Variants in RNF185 observed in about 807,000 individuals in gnomAD.
RNF185 encodes the protein ring finger protein 185.
In RNF185, 13 loss-of-function variants were observed where a neutral mutation model predicts 24.9. That is an observed-to-expected ratio of 0.52 (90% CI 0.34 to 0.83). The LOEUF is 0.83. Among genes scored for constraint, RNF185 ranks in the 40% least tolerant of loss-of-function variants. RNF185 has a pLI of 0.01. For missense variants in RNF185, 184 were observed against 244.7 expected (o/e 0.75, Z 1.65); for synonymous variants, 79 against 90.3 (o/e 0.88, Z 0.71).
At chr22:31,163,476 C>T (rs527418811) in intron 1 of RNF185, among the ~76,000 whole-genome samples, 121 of 151,870 alleles carry the variant, frequency 8.0e-4, no homozygotes, top group African/African-American at 1.8e-3. Context: ...TACGGGCACA[C>T]ACCACCACAC....
At chr22:31,183,924 G>A (rs112629326) in intron 1 of RNF185, among the ~76,000 whole-genome samples, 8 of 40,604 alleles carry the variant, frequency 2.0e-4, no homozygotes, top group African/African-American at 4.4e-4. Context: ...GGTGGCGGCC[G>A]GGCAGAGGGG....
chr22:31,166,706 A>G (rs897425408), intron 1 of RNF185, among the ~76,000 whole-genome samples: 1 of 150,580 alleles, frequency 6.6e-6, no homozygotes, highest in African/African-American at 2.4e-5. Flanking sequence ...CTGGAGTGCA[A>G]TGGTGCGATC....
intron 2 of RNF185, 66 bp downstream of exon 2, chr22:31,187,336 G>A: frequency 6.4e-7 from 1 of 1,568,264 alleles, no homozygotes; most frequent in Non-Finnish European, 8.7e-7. Flanking sequence ...GGCCCTGGGT[G>A]GTTTGGAGCA....
At chr22:31,198,515 C>T (rs1188347798) in intron 5 of RNF185, among the ~76,000 whole-genome samples, 2 of 149,818 alleles carry the variant, frequency 1.3e-5, no homozygotes, top group Non-Finnish European at 3.0e-5. Context: ...TCTTCTGCCT[C>T]AGCCTCCAGA....
chr22:31,182,555 C>T (rs1340805840), intron 1 of RNF185, among the ~76,000 whole-genome samples: 5 of 152,180 alleles, frequency 3.3e-5, no homozygotes, highest in Admixed American at 6.5e-5. Flanking sequence ...CTACCTTGGC[C>T]TCCCAAAGTG....
At chr22:31,183,892 G>A (rs1293813823) in intron 1 of RNF185, among the ~76,000 whole-genome samples, 1 of 152,154 alleles carries the variant, frequency 6.6e-6, no homozygotes, top group Admixed American at 6.5e-5. Flanking sequence ...TCAATGAGCT[G>A]TTGGGTACAC....
At chr22:31,173,130 C>A (rs1225115905) in intron 1 of RNF185, among the ~76,000 whole-genome samples, 1 of 152,002 alleles carries the variant, frequency 6.6e-6, no homozygotes, top group Non-Finnish European at 1.5e-5. Flanking sequence ...CAGTGGATAA[C>A]CAAACCTCTG....
At position 31,188,991 on chromosome 22, in the gene RNF185, TG is replaced by T. The variant is rs569935666; in HGVS notation, c.176+1723del. 6.5e-3 allele frequency among the ~76,000 whole-genome samples: 870 copies of T among 134,808 alleles called. 13 individuals are homozygous for T. The highest frequency in any genetic ancestry group is 0.022 in the African/African-American group (789 of 36,196). 88.4% of individuals were successfully genotyped at this position (134,808 alleles called of 152,430 possible). On this transcript the variant is annotated intron_variant, in intron 2 of 6. Transcript: ENST00000326132. ...AAAAAAAAAAATTAGCCGGGTGTGG[TG>T]GAGTGCACCTGTAGTCCCAGCTGCT...
intron 1 of RNF185, among the ~76,000 whole-genome samples, chr22:31,166,585 C>CT (rs1923936970): frequency 3.0e-5 from 3 of 99,380 alleles, no homozygotes; most frequent in Non-Finnish European, 6.2e-5. Context: ...TCTTCTTCCC[C>CT]TTCCCCTTCC....
intron 2 of RNF185, among the ~76,000 whole-genome samples, chr22:31,187,505 A>T (rs1602831823): frequency 6.6e-6 from 1 of 152,206 alleles, no homozygotes; most frequent in Non-Finnish European, 1.5e-5. Context: ...AATACTTACC[A>T]TTTAGTGAGC....
intron 1 of RNF185, among the ~76,000 whole-genome samples, chr22:31,170,037 G>GC (rs970092680): frequency 2.6e-5 from 4 of 152,188 alleles, no homozygotes; most frequent in African/African-American, 9.7e-5. Flanking sequence ...TGTGGAAATG[G>GC]CCTAGGGGAC....
At chr22:31,203,052 A>T (rs2048278731) in intron 6 of RNF185, among the ~76,000 whole-genome samples, 1 of 152,208 alleles carries the variant, frequency 6.6e-6, no homozygotes, top group South Asian at 2.1e-4. Flanking sequence ...GCCAGCAAGA[A>T]CCTGCCTGAT....
intron 1 of RNF185, among the ~76,000 whole-genome samples, chr22:31,177,834 C>T (rs2047997492): frequency 6.6e-6 from 1 of 152,222 alleles, no homozygotes; most frequent in Non-Finnish European, 1.5e-5. Flanking sequence ...ACAGAAAAGG[C>T]AGATGATGAA....
At chr22:31,202,272 C>T (rs767929131) in intron 6 of RNF185, among the ~76,000 whole-genome samples, 1 of 152,080 alleles carries the variant, frequency 6.6e-6, no homozygotes, top group Non-Finnish European at 1.5e-5. Flanking sequence ...GCCTTGAACT[C>T]TTATCACAGT....
Position 31,174,745 on chromosome 22 carries a change from A to G in RNF185, c.-48-12302A>G, listed in dbSNP as rs377578884. Among the ~76,000 whole-genome samples the G allele has an allele frequency of 4.4e-4, 67 of 152,200 alleles. 3 individuals are homozygous for G. The South Asian group carries it at 0.013, about 30-fold the overall frequency. Reference sequence around the variant, plus strand: ...AAAAATAATTGAAGCTTAAAACCCAACAAATGAACAAAACATTCTTTGTAT... The same window carrying G: ...AAAAATAATTGAAGCTTAAAACCCAGCAAATGAACAAAACATTCTTTGTAT... On this transcript the variant is annotated intron_variant, in intron 1 of 6. Coordinates refer to ENST00000326132, the MANE Select transcript of RNF185 (RefSeq NM_152267.4).
At chr22:31,187,795 T>C (rs2048114174) in intron 2 of RNF185, among the ~76,000 whole-genome samples, 1 of 152,212 alleles carries the variant, frequency 6.6e-6, no homozygotes, top group Non-Finnish European at 1.5e-5. Flanking sequence ...TTTATGTTTA[T>C]ATATAGATAG....
At chr22:31,163,873 C>G (rs1923741845) in intron 1 of RNF185, among the ~76,000 whole-genome samples, 1 of 151,830 alleles carries the variant, frequency 6.6e-6, no homozygotes, top group African/African-American at 2.4e-5. Context: ...GGGGTTTCAC[C>G]ATGTTGGCCA....
chr22:31,170,480 C>A (rs966494943), intron 1 of RNF185, among the ~76,000 whole-genome samples: 2 of 152,076 alleles, frequency 1.3e-5, no homozygotes, highest in Admixed American at 6.6e-5. Flanking sequence ...TGAGCCACCA[C>A]CTCTGGCCAG....
At chr22:31,178,953 G>C (rs1203763911) in intron 1 of RNF185, among the ~76,000 whole-genome samples, 1 of 152,140 alleles carries the variant, frequency 6.6e-6, no homozygotes, top group African/African-American at 2.4e-5. Flanking sequence ...GTCTGAATTT[G>C]GCATTGCGTG....
Sources: gnomAD v4.1 joint callset for allele counts (sites outside exome capture counted in the v4.1 genomes callset) on GRCh38, gnomAD v4.1.1 for gene constraint, MANE v1.5 for transcripts, NCBI Gene and HGNC (gene_info 2026-07-23, HGNC 2026-07-21) for gene names.